The following NCALD variants were observed in gnomAD, a reference collection of about 807,000 sequenced individuals.
NCALD encodes the protein neurocalcin delta.
NCALD carries 10 observed loss-of-function variants against 18.6 expected under a neutral mutation model. The observed-to-expected ratio is 0.54, with a 90% CI of 0.33 to 0.91. The LOEUF is 0.91. NCALD is among the 40% of genes least tolerant of loss of function. The pLI, the probability that NCALD is intolerant of heterozygous loss-of-function variation, is 0.03. For synonymous variants in NCALD, 88 were observed against 87.4 expected, an observed-to-expected ratio of 1.01 and a Z score of -0.04; for missense variants, 184 against 247.6, an observed-to-expected ratio of 0.74 and a Z score of 1.72.
intron 1 of NCALD, among the ~76,000 whole-genome samples, chr8:102,050,280 G>T (rs56369037): frequency 6.7e-6 from 1 of 149,420 alleles, no homozygotes; most frequent in Non-Finnish European, 1.5e-5. Flanking sequence ...GTTTTTCGAA[G>T]ATTTCTTCAA....
intron 1 of NCALD, among the ~76,000 whole-genome samples, chr8:102,115,543 T>G (rs1282963326): frequency 6.6e-6 from 1 of 152,204 alleles, no homozygotes; most frequent in African/African-American, 2.4e-5. Context: ...ACTACAGTCA[T>G]CGAATTCTCC....
intron 1 of NCALD, among the ~76,000 whole-genome samples, chr8:102,047,315 T>C (rs1823281298): frequency 6.6e-6 from 1 of 152,232 alleles, no homozygotes; most frequent in African/African-American, 2.4e-5. Context: ...TCTGACGTGA[T>C]ATTAGTTCAT....
At chr8:102,071,943 G>T (rs1210549519) in intron 1 of NCALD, among the ~76,000 whole-genome samples, 3 of 152,052 alleles carry the variant, frequency 2.0e-5, no homozygotes, top group Non-Finnish European at 1.5e-5. Context: ...ACCCCAGCAG[G>T]TATTGTTTTG....
chr8:101,968,969 C>T (rs1353284278), intron 2 of NCALD, among the ~76,000 whole-genome samples: 1 of 152,126 alleles, frequency 6.6e-6, no homozygotes, highest in Non-Finnish European at 1.5e-5. Context: ...TTGAGACAGT[C>T]CTGAATGAAT....
intron 2 of NCALD, among the ~76,000 whole-genome samples, chr8:102,018,254 A>G (rs1822156278): frequency 6.6e-6 from 1 of 152,238 alleles, no homozygotes; most frequent in East Asian, 1.9e-4. Flanking sequence ...AATTTACCCA[A>G]GAGAAAGGAA....
intron 3 of NCALD, chr8:101,691,343 G>T (rs1814721474): frequency 3.0e-6 from 3 of 985,320 alleles, no homozygotes; most frequent in Non-Finnish European, 3.6e-6. Flanking sequence ...GCAGTAAGTT[G>T]TGCTCTGAGA....
intron 1 of NCALD, among the ~76,000 whole-genome samples, chr8:101,766,921 A>G (rs994379815): frequency 5.9e-5 from 9 of 152,214 alleles, no homozygotes; most frequent in Admixed American, 1.3e-4. Flanking sequence ...CATACACATA[A>G]TATACACACT....
Position 102,081,144 on chromosome 8 carries a change from G to C in NCALD, c.-210+43093C>G, listed in dbSNP as rs1020027249. On this transcript the variant is annotated intron_variant, in intron 1 of 6. Coordinates refer to the NCALD transcript ENST00000311028. The stretch of plus-strand genomic sequence containing the variant: ...TCCCTTAAGAACAGAAGCAATAAAA[G>C]GGTTCTTTTATGACCCTTTCTGTTG... Among the ~76,000 whole-genome samples, 12 of 152,188 alleles carry C rather than the reference G, an allele frequency of 7.9e-5. No homozygotes were observed. In the East Asian group the frequency reaches 1.7e-3, roughly 22 times the overall value.
intron 1 of NCALD, among the ~76,000 whole-genome samples, chr8:102,063,309 C>G (rs1451265340): frequency 6.6e-6 from 1 of 152,158 alleles, no homozygotes; most frequent in African/African-American, 2.4e-5. Context: ...AAAAACAGCA[C>G]TCTGTGATAT....
chr8:101,946,737 T>C (rs1179621430), intron 2 of NCALD, among the ~76,000 whole-genome samples: 5 of 121,956 alleles, frequency 4.1e-5, no homozygotes, highest in Non-Finnish European at 8.2e-5. Context: ...TACAAATGAA[T>C]AATACATTTT....
rs73696511 is a variant in NCALD at position 101,842,398 on chromosome 8, G to A, written c.-20+44743C>T. On this transcript the variant is annotated intron_variant, in intron 4 of 6. Transcript: ENST00000311028. The stretch of plus-strand genomic sequence containing the variant: ...AGAATGGGATGCATCAGTTGGGAGT[G>A]ATTTCCTCTGCAAGTGATAGAAATT... Among the ~76,000 whole-genome samples the A allele has an allele frequency of 7.5e-3, 1,145 of 152,284 alleles. 12 individuals are homozygous for A. The highest frequency in any genetic ancestry group is 0.037 in the Middle Eastern group (11 of 294).
At chr8:101,963,935 G>T (rs549021291) in intron 2 of NCALD, among the ~76,000 whole-genome samples, 1 of 152,222 alleles carries the variant, frequency 6.6e-6, no homozygotes, top group East Asian at 1.9e-4. Flanking sequence ...AAAAATCCAT[G>T]ACAGGAAATG....
At chr8:101,894,067 T>C (rs1259738656) in intron 3 of NCALD, among the ~76,000 whole-genome samples, 1 of 147,224 alleles carries the variant, frequency 6.8e-6, no homozygotes, top group Non-Finnish European at 1.5e-5. Flanking sequence ...ATACATTTTT[T>C]TCAGCACCAC....
chr8:102,021,854 C>A (rs1282692212), intron 1 of NCALD, among the ~76,000 whole-genome samples: 4 of 151,972 alleles, frequency 2.6e-5, no homozygotes, highest in African/African-American at 9.7e-5. Flanking sequence ...CCCCATCCAG[C>A]ACTCTAGGAC....
chr8:102,047,662 C>T (rs1037300843), intron 1 of NCALD, among the ~76,000 whole-genome samples: 12 of 152,144 alleles, frequency 7.9e-5, no homozygotes, highest in African/African-American at 2.9e-4. Flanking sequence ...TAAAAGGTAC[C>T]GTTTATTGAG....
intron 1 of NCALD, among the ~76,000 whole-genome samples, chr8:102,116,759 C>T (rs1040000180): frequency 1.2e-4 from 18 of 152,064 alleles, no homozygotes; most frequent in African/African-American, 4.3e-4. Context: ...CCTCCTGCCT[C>T]GACCTCCCAA....
In NCALD at chr8:101,895,248, G is replaced by A. The variant is rs1221451913; in HGVS notation, c.-106-8021C>T. 4.0e-3 allele frequency among the ~76,000 whole-genome samples: 558 copies of A among 139,926 alleles called. 6 individuals carry two copies. Among genetic ancestry groups the A allele is most frequent in the African/African-American group, 0.016 (518 of 32,108 alleles). The allele number at this position is 139,926 out of a possible 152,430, so 91.8% of individuals were successfully genotyped here. ...AAATGTAATCCAGCATATAAACAGA[G>A]CCAAAGACAAAAACCACATGATTAT... On this transcript the variant is annotated intron_variant, in intron 3 of 6. Coordinates refer to the NCALD transcript ENST00000311028.
chr8:102,050,092 G>T (rs1488943980), intron 1 of NCALD, among the ~76,000 whole-genome samples: 1 of 141,698 alleles, frequency 7.1e-6, no homozygotes, highest in African/African-American at 2.6e-5. Context: ...AACCCGGGAA[G>T]CGGAGCTTGC....
chr8:101,856,236 A>G (rs775502232), intron 4 of NCALD, among the ~76,000 whole-genome samples: 1 of 152,084 alleles, frequency 6.6e-6, no homozygotes, highest in Admixed American at 6.5e-5. Flanking sequence ...CAATGGTGTA[A>G]TCTTGACTCA....
Sources: gnomAD v4.1 joint callset for allele counts (sites outside exome capture counted in the v4.1 genomes callset) on GRCh38, gnomAD v4.1.1 for gene constraint, MANE v1.5 for transcripts, NCBI Gene and HGNC (gene_info 2026-07-23, HGNC 2026-07-21) for gene names.